LATS2: variants seen among roughly 807,000 people sequenced by gnomAD.
LATS2 encodes the protein large tumor suppressor kinase 2.
LATS2 carries 24 observed loss-of-function variants against 76.0 expected under a neutral mutation model. That is an observed-to-expected ratio of 0.32 (90% CI 0.23 to 0.44). The LOEUF is 0.44. Ranked by LOEUF, LATS2 falls within the 20% of genes least tolerant of loss-of-function variation. LATS2 has a pLI of 1.00. For missense variants in LATS2, 1,286 were observed against 1,481.2 expected, an observed-to-expected ratio of 0.87 and a Z score of 2.16; for synonymous variants, 692 against 635.4, an observed-to-expected ratio of 1.09 and a Z score of -1.34.
chr13:21,023,163 G>C (rs1252670990), intron 2 of LATS2: 1 of 152,128 alleles, frequency 6.6e-6, no homozygotes, highest in Non-Finnish European at 1.5e-5. Context: ...CGGGCTCCGA[G>C]GGCTCCGAAG....
In LATS2 at chr13:20,983,422, C is replaced by T; in HGVS notation, c.2284G>A (p.Val762Ile). 1 of 1,614,046 alleles carries T rather than the reference C, an allele frequency of 6.2e-7. No homozygotes were observed. The highest frequency in any genetic ancestry group is 8.5e-7 in the Non-Finnish European group (1 of 1,180,012). Residue 762 changes from valine (V) to isoleucine (I), a missense_variant, in exon 5 of 8, where the codon GTC becomes ATC. Coordinates refer to ENST00000382592, the MANE Select transcript of LATS2 (RefSeq NM_014572.3). The part of the protein sequence containing the change: ...DMMSLLIRME[V>I]FPEHLARFYI... ...AACCGGGCCAGGTGCTCAGGGAAGA[C>T]CTCCATCCGGATCAGCAGGCTCATC...
rs1157244441 is a variant in LATS2, at chr13:21,061,564, A to T, written c.-423T>A. Reference sequence around the variant, plus strand: ...CAGACCCAAGTGGGACATTCGCTACATTGTTGGCATTCCACGGGCGTCACG... The same window carrying T: ...CAGACCCAAGTGGGACATTCGCTACTTTGTTGGCATTCCACGGGCGTCACG... On this transcript the variant is annotated 5_prime_UTR_variant, in exon 1 of 8. It removes an upstream start codon present in the reference 5' UTR. Transcript: ENST00000382592. 6.6e-6 allele frequency: 1 copy of T among 152,542 alleles called. No homozygotes were observed. Among genetic ancestry groups the T allele is most frequent in the African/African-American group, 2.4e-5 (1 of 41,430 alleles). The allele number at this position is 152,542 out of a possible 1,614,324, so 9.4% of individuals were successfully genotyped here.
At chr13:21,012,935 C>T (rs1354289088) in intron 2 of LATS2, among the ~76,000 whole-genome samples, 1 of 152,118 alleles carries the variant, frequency 6.6e-6, no homozygotes, top group Non-Finnish European at 1.5e-5. Flanking sequence ...AGAAAATGCT[C>T]CAAGTACTTG....
chr13:20,973,382 G>A lies in LATS2; in HGVS notation c.*1488C>T. Reference sequence around the variant, plus strand: ...CTAAGAACTTCAAGGAAAAATATGTGGAATAATATAATGAAAATTATGAAG... The same window carrying A: ...CTAAGAACTTCAAGGAAAAATATGTAGAATAATATAATGAAAATTATGAAG... On this transcript the variant is annotated 3_prime_UTR_variant, in exon 8 of 8. Transcript: ENST00000382592. The A allele has an allele frequency of 4.3e-6, 1 of 230,902 alleles. No individual in the cohort carries two copies. Among genetic ancestry groups the A allele is most frequent in the East Asian group, 6.2e-5 (1 of 16,116 alleles). The allele number at this position is 230,902 out of a possible 1,614,324, so 14.3% of individuals were successfully genotyped here.
chr13:21,032,225 C>G (rs925350292), intron 2 of LATS2, among the ~76,000 whole-genome samples: 1 of 152,158 alleles, frequency 6.6e-6, no homozygotes, highest in Non-Finnish European at 1.5e-5. Flanking sequence ...TGACTAAATT[C>G]ACATACAAAC....
At chr13:20,981,907 T>C (rs1869907583) in intron 5 of LATS2, among the ~76,000 whole-genome samples, 1 of 152,112 alleles carries the variant, frequency 6.6e-6, no homozygotes, top group Admixed American at 6.5e-5. Context: ...CCATGCACCG[T>C]GCTGAGCTGG....
chr13:20,980,649 T>C (rs1347417612), intron 6 of LATS2, among the ~76,000 whole-genome samples: 5 of 152,194 alleles, frequency 3.3e-5, no homozygotes, highest in African/African-American at 7.2e-5. Context: ...TAGAGGGAAG[T>C]AGACCTTCAC....
intron 2 of LATS2, among the ~76,000 whole-genome samples, chr13:21,024,222 T>TC (rs1872211286): frequency 6.6e-6 from 1 of 150,430 alleles, no homozygotes; most frequent in Admixed American, 6.6e-5. Flanking sequence ...TCACTTGAGG[T>TC]CAGGAGTTCA....
intron 2 of LATS2, among the ~76,000 whole-genome samples, chr13:21,030,999 G>T (rs1872514719): frequency 6.6e-6 from 1 of 151,932 alleles, no homozygotes; most frequent in South Asian, 2.1e-4. Flanking sequence ...AAAATTCTCG[G>T]TGTATTTTTT....
intron 1 of LATS2, among the ~76,000 whole-genome samples, chr13:21,058,569 A>T (rs1335422611): frequency 6.6e-6 from 1 of 152,376 alleles, no homozygotes; most frequent in Non-Finnish European, 1.5e-5. Context: ...GCTAAGGAAC[A>T]TGTACAGCTC....
At chr13:21,019,962 G>A (rs1384664109) in intron 2 of LATS2, among the ~76,000 whole-genome samples, 4 of 147,430 alleles carry the variant, frequency 2.7e-5, no homozygotes, top group Non-Finnish European at 4.5e-5. Context: ...TAACAGGAGT[G>A]AGACTCCATC....
At chr13:21,033,065 G>A (rs1264984577) in intron 2 of LATS2, among the ~76,000 whole-genome samples, 1 of 151,974 alleles carries the variant, frequency 6.6e-6, no homozygotes, top group Non-Finnish European at 1.5e-5. Context: ...GGAATTACTG[G>A]GTCAGGGAGA....
At chr13:20,993,621 C>T (rs1031724610) in intron 2 of LATS2, among the ~76,000 whole-genome samples, 8 of 151,958 alleles carry the variant, frequency 5.3e-5, no homozygotes, top group Non-Finnish European at 7.4e-5. Context: ...AAGAACAGAC[C>T]TGTTTGTTAA....
At chr13:20,990,611 C>A (rs1218229508) in intron 3 of LATS2, among the ~76,000 whole-genome samples, 1 of 152,032 alleles carries the variant, frequency 6.6e-6, no homozygotes. Flanking sequence ...CAAAACCAGG[C>A]CACACAGTGT....
intron 2 of LATS2, among the ~76,000 whole-genome samples, chr13:21,022,344 A>AG (rs1350972062): frequency 6.6e-6 from 1 of 151,646 alleles, no homozygotes; most frequent in Non-Finnish European, 1.5e-5. Flanking sequence ...GCATGTACTG[A>AG]GTCAGGACTG....
intron 2 of LATS2, among the ~76,000 whole-genome samples, chr13:21,045,413 G>A (rs1435043327): frequency 2.0e-5 from 3 of 152,130 alleles, no homozygotes; most frequent in Non-Finnish European, 4.4e-5. Flanking sequence ...GAACAGATCA[G>A]AAAATACACA....
At chr13:21,035,977 C>T (rs1251414620) in intron 2 of LATS2, among the ~76,000 whole-genome samples, 1 of 152,238 alleles carries the variant, frequency 6.6e-6, no homozygotes, top group South Asian at 2.1e-4. Context: ...TGGCTCACTG[C>T]AACCTCTGCT....
At chr13:21,009,294 C>T (rs778545901) in intron 2 of LATS2, among the ~76,000 whole-genome samples, 2 of 152,182 alleles carry the variant, frequency 1.3e-5, no homozygotes, top group East Asian at 1.9e-4. Context: ...ACATTCAACC[C>T]GGAGCCTTGG....
At chr13:21,056,256 C>G (rs1365340788) in intron 1 of LATS2, among the ~76,000 whole-genome samples, 1 of 151,906 alleles carries the variant, frequency 6.6e-6, no homozygotes, top group Non-Finnish European at 1.5e-5. Flanking sequence ...CCAAGCTCGT[C>G]TCGAATTCCT....
Sources: gnomAD v4.1 joint callset for allele counts (sites outside exome capture counted in the v4.1 genomes callset) on GRCh38, gnomAD v4.1.1 for gene constraint, MANE v1.5 for transcripts, NCBI Gene and HGNC (gene_info 2026-07-23, HGNC 2026-07-21) for gene names.